Variants in AKAP12 observed in about 807,000 individuals in gnomAD.
The protein encoded by AKAP12 is A-kinase anchoring protein 12, also known as A-kinase anchor protein 12.
In AKAP12, 32 loss-of-function variants were observed where a neutral mutation model predicts 79.9. The ratio of observed to expected loss-of-function variants is 0.40; its 90% confidence interval spans 0.30 to 0.54. The LOEUF (loss-of-function observed/expected upper bound fraction) is 0.54. Ranked by LOEUF, AKAP12 falls within the 20% of genes least tolerant of loss-of-function variation. The probability of loss-of-function intolerance (pLI) is 0.48; values close to 1 mark genes in which losing one functional copy is unlikely to be tolerated. For missense variants in AKAP12, 2,074 were observed against 2,177.0 expected (o/e 0.95, Z 0.94); for synonymous variants, 808 against 857.0 (o/e 0.94, Z 1.00).
intron 2 of AKAP12, 108 bp from the exon 3 acceptor site, chr6:151,305,639 T>G (rs9397388): frequency 0.66 from 729,684 of 1,112,014 alleles, 244,918 homozygotes; most frequent in Non-Finnish European, 0.7. Context: ...AACTTCCTTT[T>G]CTCTGTATTT....
intron 2 of AKAP12, among the ~76,000 whole-genome samples, chr6:151,272,355 A>AC (rs897357848): frequency 6.6e-6 from 1 of 150,824 alleles, no homozygotes; most frequent in Non-Finnish European, 1.5e-5. Flanking sequence ...AAAAAAAAAA[A>AC]AAAACAAAAA....
At chr6:151,249,929 C>T (rs956735112) in intron 2 of AKAP12, among the ~76,000 whole-genome samples, 4 of 152,176 alleles carry the variant, frequency 2.6e-5, no homozygotes, top group African/African-American at 9.6e-5. Flanking sequence ...ACATAAATAC[C>T]AACATGTGGC....
intron 2 of AKAP12, among the ~76,000 whole-genome samples, chr6:151,272,344 CAAAAAAA>C: frequency 1.0e-5 from 1 of 95,286 alleles, no homozygotes; most frequent in Non-Finnish European, 2.0e-5. Flanking sequence ...GACCCTGTTT[CAAAAAAA>C]AAAAAAAACA....
intron 2 of AKAP12, among the ~76,000 whole-genome samples, chr6:151,300,718 G>A (rs1036239329): frequency 9.3e-5 from 14 of 151,300 alleles, no homozygotes; most frequent in Admixed American, 2.0e-4. Context: ...AGGTTTTTAG[G>A]GTCTTTTTTT....
At chr6:151,306,146 A>T (rs1582870147) in intron 3 of AKAP12, among the ~76,000 whole-genome samples, 1 of 152,164 alleles carries the variant, frequency 6.6e-6, no homozygotes, top group South Asian at 2.1e-4. Flanking sequence ...GCTTTGTCCC[A>T]ACTGCTTGTC....
chr6:151,349,418 G>A lies in AKAP12; in HGVS notation c.1027G>A (p.Ala343Thr), dbSNP rs777489284. The change falls in exon 4 of 5, where the codon GCA becomes ACA. Residue 343 changes from alanine (A) to threonine (T), a missense_variant. By Grantham distance (58) the Ala-to-Thr change is moderately conservative (BLOSUM62 0). This residue lies in a region of AKAP12 where 1,428 missense variants were observed against 1,451.0 expected (regional missense o/e 0.98). Coordinates refer to ENST00000402676, the MANE Select transcript of AKAP12 (RefSeq NM_005100.4). ...EKVDTEEDGKAEVASEKLTAS... is the reference protein window; with the variant it reads ...EKVDTEEDGKTEVASEKLTAS... ...AGTAGACACAGAAGAAGACGGAAAG[G>A]CAGAGGTTGCCTCCGAGAAACTGAC... 46 of 1,611,572 alleles carry A rather than the reference G, an allele frequency of 2.9e-5. 1 individual carries two copies. The South Asian group carries it at 4.9e-4, about 17-fold the overall frequency.
Position 151,350,605 on chromosome 6 carries a change from G to A in AKAP12, c.2214G>A (p.Gly738=). The part of the protein sequence containing the change: ...ILAGSQEHDP[G]QGSSSPEQAG... ...CTGGTTCCCAAGAACATGATCCAGG[G>A]CAGGGAAGTTCCTCCCCGGAGCAAG... The change falls in exon 4 of 5, where the codon GGG becomes GGA. Residue 738 remains glycine (G), a synonymous_variant. Transcript: ENST00000402676. The surrounding 1 kb of genome is among the most constrained non-coding windows in gnomAD (Gnocchi z 4.8). 2.5e-6 allele frequency: 4 copies of A among 1,614,106 alleles called. No individual in the cohort carries two copies. The highest frequency in any genetic ancestry group is 3.4e-6 in the Non-Finnish European group (4 of 1,180,032).
At position 151,305,817 on chromosome 6, in the gene AKAP12, A is replaced by G; in HGVS notation, c.233A>G (p.Glu78Gly). ...GAGCAAGATGAGCTCAGCCTCCAGG[A>G]GGGTGACCTAAATGGCCAGAAAGGA... ...VAEQDELSLQ[E>G]GDLNGQKGAL... Residue 78 changes from glutamate to glycine, a missense_variant, in exon 3 of 5, where the codon GAG (glutamate) becomes GGG (glycine). Physicochemically the swap from Glu to Gly is moderately conservative, Grantham distance 98. Around this residue, in one of 3 missense-constraint regions of AKAP12, gnomAD observed 1,428 missense variants for 1,451.0 expected, o/e 0.98. Transcript: ENST00000402676. 1 of 1,614,118 alleles carries G rather than the reference A, an allele frequency of 6.2e-7. No individual in the cohort carries two copies. The highest frequency in any genetic ancestry group is 8.5e-7 in the Non-Finnish European group (1 of 1,179,994).
rs1778227992 is a variant in AKAP12, at chr6:151,349,869, C to A, written c.1478C>A (p.Pro493His). The change falls in exon 4 of 5, where the codon CCC becomes CAC. Residue 493 changes from proline to histidine, a missense_variant. Physicochemically the swap from Pro to His is moderately conservative, Grantham distance 77. Transcript: ENST00000402676. ...GATGAGAAGGTGCTGTCCAAACCCCCCGAAGGCGTTGTGAGTGAGGTGGAA... is the reference window on the plus strand; with the variant it reads ...GATGAGAAGGTGCTGTCCAAACCCCACGAAGGCGTTGTGAGTGAGGTGGAA... ...SPDEKVLSKP[P>H]EGVVSEVEML... 1 of 1,614,106 alleles carries A rather than the reference C, an allele frequency of 6.2e-7. No individual in the cohort carries two copies. Among genetic ancestry groups the A allele is most frequent in the Non-Finnish European group, 8.5e-7 (1 of 1,180,022 alleles).
rs988189746 is a variant in AKAP12 at position 151,352,254 on chromosome 6, T to C, written c.3863T>C (p.Ile1288Thr). 4.3e-6 allele frequency: 7 copies of C among 1,614,212 alleles called. No individual in the cohort carries two copies. In the East Asian group the frequency reaches 8.9e-5, roughly 21 times the overall value. ...VPFFEGLEGS[I>T]DTGITVSREK... ...TTTTTCGAAGGACTTGAGGGGTCTA[T>C]AGACACAGGCATAACAGTCAGTCGG... is the stretch of plus-strand genomic sequence containing the variant. Residue 1288 changes from isoleucine (I) to threonine (T), a missense_variant, in exon 4 of 5, where the codon ATA becomes ACA. Around this residue, in one of 3 missense-constraint regions of AKAP12, gnomAD observed 614 missense variants for 665.6 expected, o/e 0.92. Coordinates refer to ENST00000402676, the MANE Select transcript of AKAP12 (RefSeq NM_005100.4).
At position 151,263,165 on chromosome 6, in the gene AKAP12, A is replaced by G. The variant is rs560175338; in HGVS notation, c.162+22441A>G. Among the ~76,000 whole-genome samples, 3 of 152,202 alleles carry G rather than the reference A, an allele frequency of 2.0e-5. No individual in the cohort carries two copies. The East Asian group carries it at 5.8e-4, about 29-fold the overall frequency. ...ATCCTCCCACCTCAGCCTCCTGAGT[A>G]GCTGGGACTATGGGCATGTACCACC... On this transcript the variant is annotated intron_variant, in intron 2 of 4. Coordinates refer to ENST00000402676, the MANE Select transcript of AKAP12 (RefSeq NM_005100.4).
chr6:151,287,498 C>T (rs377538592), intron 2 of AKAP12, among the ~76,000 whole-genome samples: 37 of 152,174 alleles, frequency 2.4e-4, no homozygotes, highest in African/African-American at 7.9e-4. Context: ...TGGACTCCAG[C>T]GATCTGCCCA....
rs1376276292 is a variant in AKAP12, at chr6:151,240,614, G to A, written c.52G>A (p.Gly18Arg). The change falls in exon 2 of 5, where the codon GGG becomes AGG. Residue 18 changes from glycine (G) to arginine (R), a missense_variant. By Grantham distance (125) the Gly-to-Arg change is moderately radical. Coordinates refer to ENST00000402676, the MANE Select transcript of AKAP12 (RefSeq NM_005100.4). Reference sequence around the variant, plus strand: ...GCGCAGCCCGGAGCAGCCGCCCGAGGGGAGCTCCACGCCGGCTGAGCCCGA... The same window carrying A: ...GCGCAGCCCGGAGCAGCCGCCCGAGAGGAGCTCCACGCCGGCTGAGCCCGA... The part of the protein sequence containing the change: ...EQRSPEQPPE[G>R]SSTPAEPEPS... 2 of 1,404,886 alleles carry A rather than the reference G, an allele frequency of 1.4e-6. No homozygotes were observed. Among genetic ancestry groups the A allele is most frequent in the Admixed American group, 3.1e-5 (1 of 32,202 alleles). The allele number at this position is 1,404,886 out of a possible 1,614,324, so 87.0% of individuals were successfully genotyped here. A position where few individuals can be genotyped will look rare whatever the true frequency, so the allele number is the denominator to read the frequency against.
At chr6:151,287,539 G>A (rs1430824997) in intron 2 of AKAP12, among the ~76,000 whole-genome samples, 2 of 152,162 alleles carry the variant, frequency 1.3e-5, no homozygotes, top group Non-Finnish European at 2.9e-5. Flanking sequence ...AGGATTACAG[G>A]CGTGAGCCAT....
rs76904218 is a variant in AKAP12 at position 151,257,296 on chromosome 6, A to T, written c.162+16572A>T. Among the ~76,000 whole-genome samples, 916 of 151,620 alleles carry T rather than the reference A, an allele frequency of 6.0e-3. 8 individuals carry two copies. The highest frequency in any genetic ancestry group is 0.021 in the African/African-American group (862 of 41,320). ...ATGTTTAGCTCCTATTTATTTATTC[A>T]TTTATTTGTATTTTATTTTTGAGAC... is the stretch of plus-strand genomic sequence containing the variant. On this transcript the variant is annotated intron_variant, in intron 2 of 4. Transcript: ENST00000402676.
intron 2 of AKAP12, among the ~76,000 whole-genome samples, chr6:151,289,988 GT>G (rs1192613518): frequency 6.6e-6 from 1 of 152,188 alleles, no homozygotes. Flanking sequence ...CTTTTGTTGT[GT>G]TTTGATACAC....
intron 2 of AKAP12, among the ~76,000 whole-genome samples, chr6:151,271,860 A>T (rs914093454): frequency 4.8e-4 from 72 of 151,346 alleles, no homozygotes; most frequent in African/African-American, 1.3e-3. Context: ...GGGTTTTACC[A>T]TGTTGGCCAG....
At chr6:151,338,156 T>C (rs1777863110) in intron 3 of AKAP12, among the ~76,000 whole-genome samples, 1 of 152,246 alleles carries the variant, frequency 6.6e-6, no homozygotes, top group Non-Finnish European at 1.5e-5. Context: ...AGTACAGTTA[T>C]TGACAGTTAT....
At chr6:151,248,848 A>G (rs946564917) in intron 2 of AKAP12, among the ~76,000 whole-genome samples, 2 of 151,918 alleles carry the variant, frequency 1.3e-5, no homozygotes, top group Non-Finnish European at 2.9e-5. Context: ...ATTAGCCAGT[A>G]TGGTGGTGTG....
Sources: allele counts gnomAD v4.1 joint callset (sites outside exome capture counted in the v4.1 genomes callset), GRCh38; gene constraint gnomAD v4.1.1; regional missense constraint gnomAD v4.1.1; non-coding constraint Gnocchi (gnomAD v3.1); transcripts MANE v1.5; gene names NCBI Gene and HGNC (gene_info 2026-07-23, HGNC 2026-07-21).